NELL1: variants seen among roughly 807,000 people sequenced by gnomAD.
The protein encoded by NELL1 is neural EGFL like 1, also known as protein kinase C-binding protein NELL1.
Under a neutral mutation model 107.4 loss-of-function variants are expected in NELL1, and 76 were observed. The observed-to-expected ratio is 0.71, with a 90% confidence interval of 0.59 to 0.86. NELL1 has a LOEUF of 0.86. Ranked by LOEUF, NELL1 falls within the 40% of genes least tolerant of loss-of-function variation. The pLI is 0.00. For missense variants in NELL1, 1,024 were observed against 1,005.5 expected, an observed-to-expected ratio of 1.02 and a Z score of -0.25; for synonymous variants, 353 against 341.2, an observed-to-expected ratio of 1.03 and a Z score of -0.38.
intron 14 of NELL1, among the ~76,000 whole-genome samples, chr11:21,331,155 C>T (rs1450737789): frequency 6.6e-6 from 1 of 151,962 alleles, no homozygotes; most frequent in African/African-American, 2.4e-5. Flanking sequence ...GTACTTTGAA[C>T]ATATTTATTG....
At chr11:20,724,715 C>T (rs1855469726) in intron 2 of NELL1, among the ~76,000 whole-genome samples, 1 of 152,122 alleles carries the variant, frequency 6.6e-6, no homozygotes, top group African/African-American at 2.4e-5. Context: ...TCTTCTGAGC[C>T]CTCTAAACTG....
rs61880370 is a variant in NELL1, at chr11:20,758,534, A to T, written c.185-25146A>T. 3.2e-3 allele frequency among the ~76,000 whole-genome samples: 485 copies of T among 152,284 alleles called. 5 individuals carry two copies. Among genetic ancestry groups the T allele is most frequent in the Non-Finnish European group, 3.3e-3 (226 of 68,022 alleles). On this transcript the variant is annotated intron_variant, in intron 2 of 19. Coordinates refer to ENST00000357134, the MANE Select transcript of NELL1 (RefSeq NM_006157.5). ...AATAGAGAGAGGTTGTATCAGGGGT[A>T]GTGAGTGCCTGTCCCTGAAAATGTT...
intron 14 of NELL1, among the ~76,000 whole-genome samples, chr11:21,318,211 T>C (rs184141138): frequency 6.6e-6 from 1 of 152,316 alleles, no homozygotes; most frequent in East Asian, 1.9e-4. Context: ...AAAGAGAATT[T>C]CTTATAAAAT....
chr11:21,508,335 A>G (rs1564930980), intron 15 of NELL1, among the ~76,000 whole-genome samples: 1 of 152,308 alleles, frequency 6.6e-6, no homozygotes, highest in East Asian at 1.9e-4. Flanking sequence ...TATTGTGTAG[A>G]TACACAACAA....
intron 15 of NELL1, among the ~76,000 whole-genome samples, chr11:21,408,072 A>G (rs1032666785): frequency 1.3e-5 from 2 of 151,918 alleles, no homozygotes; most frequent in African/African-American, 4.8e-5. Context: ...CTTGGTGTGT[A>G]TATGATTATT....
intron 12 of NELL1, among the ~76,000 whole-genome samples, chr11:21,046,677 A>ATTATTTAT (rs34098589): frequency 0.046 from 6,602 of 143,542 alleles, 212 homozygotes; most frequent in East Asian, 0.1. Context: ...TATTTACTCA[A>ATTATTTAT]TTATTTATTT....
intron 12 of NELL1, among the ~76,000 whole-genome samples, chr11:21,092,409 G>T (rs1484581167): frequency 2.0e-5 from 3 of 152,148 alleles, no homozygotes. Flanking sequence ...CTGTAAAATG[G>T]AATGAATAAA....
At chr11:21,071,060 C>T (rs1449195598) in intron 12 of NELL1, among the ~76,000 whole-genome samples, 2 of 152,170 alleles carry the variant, frequency 1.3e-5, no homozygotes, top group African/African-American at 2.4e-5. Flanking sequence ...AATCTCAGAA[C>T]ATCACCATAG....
intron 11 of NELL1, among the ~76,000 whole-genome samples, chr11:20,960,043 T>G (rs557498944): frequency 6.6e-6 from 1 of 152,210 alleles, no homozygotes; most frequent in East Asian, 1.9e-4. Context: ...GTTTTGATAA[T>G]CTGGTTGTAT....
At chr11:21,530,909 C>T (rs1450134794) in intron 15 of NELL1, among the ~76,000 whole-genome samples, 2 of 152,114 alleles carry the variant, frequency 1.3e-5, no homozygotes, top group East Asian at 3.9e-4. Flanking sequence ...TACATTCATT[C>T]CCAGGGACTT....
intron 13 of NELL1, among the ~76,000 whole-genome samples, chr11:21,146,820 G>T (rs1002206546): frequency 6.6e-6 from 1 of 151,988 alleles, no homozygotes. Context: ...AGGTGGGGGG[G>T]ATCATCTGAG....
At chr11:21,340,523 G>A (rs192861496) in intron 14 of NELL1, among the ~76,000 whole-genome samples, 19 of 151,616 alleles carry the variant, frequency 1.3e-4, no homozygotes, top group African/African-American at 4.3e-4. Flanking sequence ...ATCAGAATGG[G>A]ACTTTACTTG....
intron 12 of NELL1, among the ~76,000 whole-genome samples, chr11:20,984,779 T>A (rs946854932): frequency 6.6e-6 from 1 of 152,080 alleles, no homozygotes; most frequent in African/African-American, 2.4e-5. Context: ...GATGGGTCAT[T>A]TGCAGAGAGA....
intron 5 of NELL1, among the ~76,000 whole-genome samples, chr11:20,900,387 G>A (rs1849846632): frequency 6.6e-6 from 1 of 152,132 alleles, no homozygotes; most frequent in Non-Finnish European, 1.5e-5. Context: ...AAATAGATTT[G>A]ACCTTTTGAT....
intron 12 of NELL1, among the ~76,000 whole-genome samples, chr11:21,105,925 T>A (rs1338192012): frequency 8.6e-6 from 1 of 116,908 alleles, no homozygotes; most frequent in East Asian, 3.1e-4. Context: ...CCCTCCCTCA[T>A]TCCCTCCCTC....
intron 15 of NELL1, among the ~76,000 whole-genome samples, chr11:21,382,520 G>C (rs1052623492): frequency 3.3e-5 from 5 of 151,838 alleles, no homozygotes; most frequent in African/African-American, 9.7e-5. Context: ...ATCTCAAGTT[G>C]TAATCACTTC....
intron 14 of NELL1, among the ~76,000 whole-genome samples, chr11:21,356,352 A>G (rs1022137733): frequency 6.6e-6 from 1 of 152,064 alleles, no homozygotes; most frequent in Non-Finnish European, 1.5e-5. Flanking sequence ...TTCACCTTTG[A>G]CACTGTTGAG....
intron 15 of NELL1, among the ~76,000 whole-genome samples, chr11:21,464,296 A>C (rs1342704358): frequency 6.6e-6 from 1 of 151,916 alleles, no homozygotes; most frequent in Non-Finnish European, 1.5e-5. Context: ...TCACAAAGTA[A>C]TTAAACTACC....
chr11:20,699,516 A>G (rs1052634237), intron 2 of NELL1, among the ~76,000 whole-genome samples: 7 of 152,052 alleles, frequency 4.6e-5, no homozygotes, highest in Non-Finnish European at 8.8e-5. Context: ...GCACGCCACC[A>G]TGCCCAACTA....
Sources: gnomAD v4.1 joint callset for allele counts (sites outside exome capture counted in the v4.1 genomes callset) on GRCh38, gnomAD v4.1.1 for gene constraint, MANE v1.5 for transcripts, NCBI Gene and HGNC (gene_info 2026-07-23, HGNC 2026-07-21) for gene names.